The following HCN4 variants were observed in gnomAD, a reference collection of about 807,000 sequenced individuals.
HCN4 encodes hyperpolarization activated cyclic nucleotide gated potassium channel 4.
Under a neutral mutation model 76.9 loss-of-function variants are expected in HCN4, and 29 were observed. That is an observed-to-expected ratio of 0.38 (90% confidence interval 0.28 to 0.51). The LOEUF (loss-of-function observed/expected upper bound fraction) is 0.51. HCN4 is among the 20% of genes least tolerant of loss of function. The pLI, the probability that HCN4 is intolerant of heterozygous loss-of-function variation, is 0.90. For synonymous variants in HCN4, 772 were observed against 762.5 expected (o/e 1.01, Z -0.21); for missense variants, 1,416 against 1,715.2 (o/e 0.83, Z 3.08).
In HCN4 at chr15:73,332,170, G is replaced by A; in HGVS notation, c.1332C>T (p.Asp444=). The part of the protein sequence containing the change: ...CLQFLVPMLQ[D]FPDDCWVSIN... The stretch of plus-strand genomic sequence containing the variant: ...TGGACACCCAGCAGTCGTCAGGGAA[G>A]TCCTGTAGCATGGGTACCAGGAACT... The change falls in exon 3 of 8, where the codon GAC becomes GAT. Residue 444 remains aspartate, a synonymous_variant. Transcript: ENST00000261917. 2 of 1,614,230 alleles carry A rather than the reference G, an allele frequency of 1.2e-6. No individual in the cohort carries two copies. The highest frequency in any genetic ancestry group is 1.7e-4 in the Middle Eastern group (1 of 6,052).
chr15:73,322,158 A>G lies in HCN4; in HGVS notation c.*323T>C. The stretch of plus-strand genomic sequence containing the variant: ...TGACACATCTGCTCTAAGAACCGCC[A>G]ACACTGGCCACTCCCACCCCTGCCC... On this transcript the variant is annotated 3_prime_UTR_variant, in exon 8 of 8. Transcript: ENST00000261917. 2.7e-6 allele frequency: 1 copy of G among 370,166 alleles called. No individual in the cohort carries two copies. Among genetic ancestry groups the G allele is most frequent in the East Asian group, 6.6e-5 (1 of 15,142 alleles). 22.9% of individuals were successfully genotyped at this position (370,166 alleles called of 1,614,324 possible). A position where few individuals can be genotyped will look rare whatever the true frequency, so the allele number is the denominator to read the frequency against.
At chr15:73,333,068 C>T (rs922116048) in intron 2 of HCN4, among the ~76,000 whole-genome samples, 3 of 152,196 alleles carry the variant, frequency 2.0e-5, no homozygotes, top group Non-Finnish European at 4.4e-5. Context: ...GGGTAATGTT[C>T]TCCTTTACAG....
chr15:73,323,653 G>A lies in HCN4; in HGVS notation c.2440C>T (p.Leu814=). ...GTCTGCCCGGCACCGAGGTTGCCCA[G>A]CCCAGATCCTGGGGGAGGGCGGAAG... ...AIFRPPPGSG[L]GNLGAGQTPR... is the part of the protein sequence containing the mutation. Residue 814 remains leucine (L), a synonymous_variant, in exon 8 of 8, where the codon CTG becomes TTG. Coordinates refer to ENST00000261917, the MANE Select transcript of HCN4 (RefSeq NM_005477.3). 1 of 1,595,644 alleles carries A rather than the reference G, an allele frequency of 6.3e-7. No homozygotes were observed. The highest frequency in any genetic ancestry group is 1.1e-5 in the South Asian group (1 of 89,096).
intron 1 of HCN4, among the ~76,000 whole-genome samples, chr15:73,353,302 T>A (rs2043063273): frequency 6.6e-6 from 1 of 152,170 alleles, no homozygotes; most frequent in Non-Finnish European, 1.5e-5. Context: ...CTCTAACATG[T>A]GTCAGGGGAA....
chr15:73,343,949 A>T lies in HCN4; in HGVS notation c.786-141T>A. 1 of 808,616 alleles carries T rather than the reference A, an allele frequency of 1.2e-6. No homozygotes were observed. Among genetic ancestry groups the T allele is most frequent in the Non-Finnish European group, 2.1e-6 (1 of 478,922 alleles). 50.1% of individuals were successfully genotyped at this position (808,616 alleles called of 1,614,324 possible). ...ACAGGAAGACAGGCACATGGGTACCAGGGCAAGATGTGGAGATTGGCACAG... is the reference window on the plus strand; with the variant it reads ...ACAGGAAGACAGGCACATGGGTACCTGGGCAAGATGTGGAGATTGGCACAG... On this transcript the variant is annotated intron_variant, in intron 1 of 7. Transcript: ENST00000261917. This position sits in a 1 kb window ranked among gnomAD's most constrained non-coding sequence, Gnocchi z 5.7.
Position 73,340,635 on chromosome 15 carries a change from ATC to A in HCN4, c.1209+2748_1209+2749del, listed in dbSNP as rs143216983. Among the ~76,000 whole-genome samples, 340 of 152,192 alleles carry A rather than the reference ATC, an allele frequency of 2.2e-3. 2 individuals carry two copies. Among genetic ancestry groups the A allele is most frequent in the African/African-American group, 7.6e-3 (317 of 41,536 alleles). On this transcript the variant is annotated intron_variant, in intron 2 of 7. Transcript: ENST00000261917. Reference sequence around the variant, plus strand: ...CAGACCACCTGCCACATCTCTGCACATCTCTGTCTCACAGGCACCTCCAACTC... The same window carrying A: ...CAGACCACCTGCCACATCTCTGCACATCTGTCTCACAGGCACCTCCAACTC...
At position 73,322,871 on chromosome 15, in the gene HCN4, G is replaced by C; in HGVS notation, c.3222C>G (p.Leu1074=). ...QVPQRRGTPP[L]TPGRLTQDLK... ...GGTCCTGGGTGAGGCGGCCGGGGGT[G>C]AGCGGGGGTGTGCCCCGGCGCTGGG... Residue 1074 remains leucine, a synonymous_variant, in exon 8 of 8, where the codon CTC becomes CTG. Transcript: ENST00000261917. 6.8e-7 allele frequency: 1 copy of C among 1,479,286 alleles called. No homozygotes were observed. Among genetic ancestry groups the C allele is most frequent in the African/African-American group, 1.4e-5 (1 of 71,858 alleles). The allele number at this position is 1,479,286 out of a possible 1,614,324, so 91.6% of individuals were successfully genotyped here. A position where few individuals can be genotyped will look rare whatever the true frequency, so the allele number is the denominator to read the frequency against.
chr15:73,343,953 C>A lies in HCN4; in HGVS notation c.786-145G>T. ...GAAGACAGGCACATGGGTACCAGGG[C>A]AAGATGTGGAGATTGGCACAGGGAA... is the stretch of plus-strand genomic sequence containing the variant. On this transcript the variant is annotated intron_variant, in intron 1 of 7. Coordinates refer to ENST00000261917, the MANE Select transcript of HCN4 (RefSeq NM_005477.3). This position sits in a 1 kb window ranked among gnomAD's most constrained non-coding sequence, Gnocchi z 5.7. The A allele has an allele frequency of 2.5e-6, 2 of 787,498 alleles. No homozygotes were observed. The highest frequency in any genetic ancestry group is 1.5e-5 in the South Asian group (1 of 68,420). The allele number at this position is 787,498 out of a possible 1,614,324, so 48.8% of individuals were successfully genotyped here.
In HCN4 at chr15:73,361,598, C is replaced by T. The variant is rs147149875; in HGVS notation, c.785+5888G>A. Among the ~76,000 whole-genome samples the T allele has an allele frequency of 4.6e-5, 7 of 152,318 alleles. No homozygotes were observed. In the East Asian group the frequency reaches 1.2e-3, roughly 25 times the overall value. On this transcript the variant is annotated intron_variant, in intron 1 of 7. Coordinates refer to ENST00000261917, the MANE Select transcript of HCN4 (RefSeq NM_005477.3). ...GCTGCCTCCTCGGTTCTAAGACAAG[C>T]CCCCAGGGGACTGGGGCTGGACCTT...
Position 73,323,446 on chromosome 15 carries a change from G to A in HCN4, c.2647C>T (p.Pro883Ser), listed in dbSNP as rs780235330. 4.4e-6 allele frequency: 7 copies of A among 1,609,130 alleles called. No homozygotes were observed. Among genetic ancestry groups the A allele is most frequent in the African/African-American group, 1.3e-5 (1 of 75,018 alleles). Residue 883 changes from proline (P) to serine (S), a missense_variant, in exon 8 of 8, where the codon CCC (proline) becomes TCC (serine). This residue lies in a region of HCN4 where 633 missense variants were observed against 579.8 expected (regional missense o/e 1.09). Coordinates refer to ENST00000261917, the MANE Select transcript of HCN4 (RefSeq NM_005477.3). ...GAGGGGGAGCCACAGGCCCCGGGGG[G>A]TGGGGAGGAGCTGGATGAGGGCAGG... is the stretch of plus-strand genomic sequence containing the variant. The part of the protein sequence containing the change: ...PLLPSSSSSP[P>S]PGACGSPSAP...
chr15:73,347,398 G>A (rs1368901446), intron 1 of HCN4, among the ~76,000 whole-genome samples: 1 of 152,174 alleles, frequency 6.6e-6, no homozygotes, highest in African/African-American at 2.4e-5. Context: ...CAGTGGAAAG[G>A]CAGCCTACCA....
intron 1 of HCN4, among the ~76,000 whole-genome samples, chr15:73,360,571 A>G (rs1295436701): frequency 1.3e-5 from 2 of 152,150 alleles, no homozygotes; most frequent in South Asian, 2.1e-4. Flanking sequence ...AACATAAAAG[A>G]AGGAGGAATG....
chr15:73,367,375 G>A lies in HCN4; in HGVS notation c.785+111C>T. 6.5e-7 allele frequency: 1 copy of A among 1,526,906 alleles called. No individual in the cohort carries two copies. 94.6% of individuals were successfully genotyped at this position (1,526,906 alleles called of 1,614,324 possible). A position where few individuals can be genotyped will look rare whatever the true frequency, so the allele number is the denominator to read the frequency against. ...GCCTAGAGGCGCCCTGCCTCTCTTGGAGCTCCCAGCGCAAGGCAGGAAAGT... is the reference window on the plus strand; with the variant it reads ...GCCTAGAGGCGCCCTGCCTCTCTTGAAGCTCCCAGCGCAAGGCAGGAAAGT... On this transcript the variant is annotated intron_variant, in intron 1 of 7. Coordinates refer to ENST00000261917, the MANE Select transcript of HCN4 (RefSeq NM_005477.3). This position sits in a 1 kb window ranked among gnomAD's most constrained non-coding sequence, Gnocchi z 7.5.
chr15:73,360,529 A>G (rs1274468449), intron 1 of HCN4, among the ~76,000 whole-genome samples: 1 of 152,170 alleles, frequency 6.6e-6, no homozygotes, highest in Non-Finnish European at 1.5e-5. Flanking sequence ...TGTTTTCTTG[A>G]ACTACTTGTG....
chr15:73,335,437 A>C (rs943014401), intron 2 of HCN4: 2 of 152,322 alleles, frequency 1.3e-5, no homozygotes, highest in Non-Finnish European at 2.9e-5. Flanking sequence ...TCAAGCCAAC[A>C]AACTGTTAAA....
In HCN4 at chr15:73,323,218, G is replaced by A; in HGVS notation, c.2875C>T (p.Leu959=). 2 of 1,531,452 alleles carry A rather than the reference G, an allele frequency of 1.3e-6. No individual in the cohort carries two copies. Among genetic ancestry groups the A allele is most frequent in the Non-Finnish European group, 1.8e-6 (2 of 1,141,396 alleles). 94.9% of individuals were successfully genotyped at this position (1,531,452 alleles called of 1,614,324 possible). ...RGGLGLPEHF[L]PPPPSSRSPS... is the part of the protein sequence containing the mutation. The stretch of plus-strand genomic sequence containing the variant: ...GATCTGGATGAGGGTGGGGGTGGCA[G>A]GAAGTGCTCCGGGAGTCCCAGGCCT... The change falls in exon 8 of 8, where the codon CTG becomes TTG. Residue 959 remains leucine (L), a synonymous_variant. Coordinates refer to ENST00000261917, the MANE Select transcript of HCN4 (RefSeq NM_005477.3).
intron 4 of HCN4, 74 bp downstream of exon 4, chr15:73,329,499 G>T: frequency 6.9e-7 from 1 of 1,445,264 alleles, no homozygotes; most frequent in Non-Finnish European, 9.7e-7. Flanking sequence ...GTTCCTGCTG[G>T]GGGCCCACTG....
At chr15:73,345,686 C>T (rs914688320) in intron 1 of HCN4, among the ~76,000 whole-genome samples, 1 of 152,198 alleles carries the variant, frequency 6.6e-6, no homozygotes, top group South Asian at 2.1e-4. Flanking sequence ...CCCATTCACA[C>T]ACACAGTGCA....
At chr15:73,364,044 AT>A (rs2151227220) in intron 1 of HCN4, among the ~76,000 whole-genome samples, 1 of 152,130 alleles carries the variant, frequency 6.6e-6, no homozygotes, top group South Asian at 2.1e-4. Flanking sequence ...AGTTTCCAAG[AT>A]TTTGGAGCCC....
Sources: allele counts gnomAD v4.1 joint callset (sites outside exome capture counted in the v4.1 genomes callset), GRCh38; gene constraint gnomAD v4.1.1; regional missense constraint gnomAD v4.1.1; non-coding constraint Gnocchi (gnomAD v3.1); transcripts MANE v1.5; gene names NCBI Gene and HGNC (gene_info 2026-07-23, HGNC 2026-07-21).